The following DMD variants were observed in gnomAD, a reference collection of about 807,000 sequenced individuals.
DMD encodes dystrophin.
A neutral mutation model predicts 330.1 loss-of-function variants in DMD; 63 were observed. The observed-to-expected ratio is 0.19, with a 90% CI of 0.16 to 0.24. The LOEUF (loss-of-function observed/expected upper bound fraction) is 0.24, where lower values mean the gene tolerates loss of function less well. DMD is among the 10% of genes least tolerant of loss of function. DMD has a pLI of 1.00. For missense variants in DMD, 3,344 were observed against 2,684.1 expected (o/e 1.25, Z -5.43); for synonymous variants, 1,223 against 959.8 (o/e 1.27, Z -5.07).
At chrX:31,256,596 C>T (rs1452525605) in intron 63 of DMD, among the ~76,000 whole-genome samples, 1 of 111,626 alleles carries the variant, frequency 9.0e-6, no homozygotes, top group South Asian at 3.8e-4. Flanking sequence ...ATTTTCTCTA[C>T]CACTAAAATG....
chrX:33,188,713 T>C (rs1296739570), intron 1 of DMD, among the ~76,000 whole-genome samples: 1 of 112,143 alleles, frequency 8.9e-6, no homozygotes, highest in African/African-American at 3.2e-5. Flanking sequence ...CTTTCCCAAA[T>C]TCGTCTGTTG....
chrX:31,955,198 C>T (rs73467949), intron 45 of DMD, among the ~76,000 whole-genome samples: 1,365 of 110,864 alleles, frequency 0.012, 28 homozygotes, highest in African/African-American at 0.043. Context: ...TTCATAAAAG[C>T]ATATCAAATA....
At chrX:31,178,293 C>A in intron 70 of DMD, 1 of 993,690 alleles carries the variant, frequency 1.0e-6, no homozygotes, top group Non-Finnish European at 1.3e-6. Flanking sequence ...TATGACCACA[C>A]AATGAGATAC....
intron 7 of DMD, among the ~76,000 whole-genome samples, chrX:32,779,978 A>T (rs1056136830): frequency 5.4e-5 from 6 of 111,983 alleles, no homozygotes; most frequent in African/African-American, 1.9e-4. Context: ...GTCATTTTAT[A>T]TTTTAACTTG....
At chrX:31,663,829 A>G (rs1486593053) in intron 53 of DMD, among the ~76,000 whole-genome samples, 1 of 111,414 alleles carries the variant, frequency 9.0e-6, no homozygotes, top group Non-Finnish European at 1.9e-5. Flanking sequence ...TTCCTTTCAC[A>G]GTCACACTCT....
At chrX:32,843,269 ATGATATTT>A (rs997686712) in intron 4 of DMD, among the ~76,000 whole-genome samples, 3 of 112,531 alleles carry the variant, frequency 2.7e-5, no homozygotes, top group African/African-American at 9.7e-5. Context: ...GAAACAGAAT[ATGATATTT>A]TGATATTTCA....
intron 9 of DMD, among the ~76,000 whole-genome samples, chrX:32,684,173 C>T (rs2062674153): frequency 9.1e-6 from 1 of 109,535 alleles, no homozygotes; most frequent in Admixed American, 9.8e-5. Context: ...AGAACATACT[C>T]CCTATGTAAG....
At chrX:31,543,308 T>C (rs1314331152) in intron 55 of DMD, among the ~76,000 whole-genome samples, 1 of 111,188 alleles carries the variant, frequency 9.0e-6, no homozygotes, top group Non-Finnish European at 1.9e-5. Flanking sequence ...GTAGCTGGGA[T>C]TACAGGTGCC....
Position 31,336,540 on chromosome X carries a change from C to G in DMD, c.9163+12016G>C, listed in dbSNP as rs774769549. 2.7e-5 allele frequency among the ~76,000 whole-genome samples: 3 copies of G among 112,682 alleles called. No individual in the cohort carries two copies. The South Asian group carries it at 1.1e-3, about 42-fold the overall frequency. On this transcript the variant is annotated intron_variant, in intron 61 of 78. Coordinates refer to ENST00000357033, the MANE Select transcript of DMD (RefSeq NM_004006.3). ...TACACTTTTCAGAGCCAGCATTCCA[C>G]TAATTATCTGGCCCCAAATGCCAAT...
At chrX:31,232,081 T>TAAAAAA (rs776133263) in intron 63 of DMD, among the ~76,000 whole-genome samples, 1 of 33,286 alleles carries the variant, frequency 3.0e-5, no homozygotes, top group African/African-American at 1.0e-4. Flanking sequence ...CAGCACATGT[T>TAAAAAA]AAAAAAAAAA....
At chrX:31,158,843 G>A (rs1028066908) in intron 74 of DMD, among the ~76,000 whole-genome samples, 2 of 111,901 alleles carry the variant, frequency 1.8e-5, no homozygotes, top group Non-Finnish European at 3.8e-5. Context: ...AATTATCCGT[G>A]TGGACATTAA....
At chrX:32,518,222 T>C (rs2046056510) in intron 17 of DMD, 91 bp from the exon 18 acceptor site, 1 of 945,876 alleles carries the variant, frequency 1.1e-6, no homozygotes, top group Non-Finnish European at 1.5e-6. Flanking sequence ...ATCATTCTTT[T>C]CTCAATCTGA....
intron 27 of DMD, among the ~76,000 whole-genome samples, chrX:32,443,922 G>A (rs1240770135): frequency 1.8e-5 from 2 of 111,257 alleles, no homozygotes; most frequent in African/African-American, 6.5e-5. Flanking sequence ...CAAAATACAT[G>A]TTAAAATACA....
chrX:32,520,567 C>T (rs1320125580), intron 17 of DMD, among the ~76,000 whole-genome samples: 2 of 111,573 alleles, frequency 1.8e-5, no homozygotes, highest in African/African-American at 6.5e-5. Flanking sequence ...CTCCCTTGCC[C>T]CTCAGTTGGA....
intron 6 of DMD, among the ~76,000 whole-genome samples, chrX:32,815,348 G>A (rs1207316838): frequency 9.3e-6 from 1 of 107,029 alleles, no homozygotes; most frequent in East Asian, 2.9e-4. Context: ...AACTTGCACT[G>A]AAAATTAGGC....
At chrX:32,855,026 T>A (rs1238490512) in intron 2 of DMD, among the ~76,000 whole-genome samples, 1 of 111,852 alleles carries the variant, frequency 8.9e-6, no homozygotes, top group Non-Finnish European at 1.9e-5. Flanking sequence ...TGGGTCACCA[T>A]ATGCAAAAAA....
intron 52 of DMD, among the ~76,000 whole-genome samples, chrX:31,725,249 A>G (rs1395381733): frequency 9.0e-6 from 1 of 111,276 alleles, no homozygotes. Context: ...TCTACCTATT[A>G]AATTTATAGA....
intron 2 of DMD, among the ~76,000 whole-genome samples, chrX:32,889,745 C>T: frequency 9.0e-6 from 1 of 111,071 alleles, no homozygotes; most frequent in Middle Eastern, 4.6e-3. Flanking sequence ...CCGCCTATCC[C>T]AAAACCTGTA....
rs935812915 is a variant in DMD, at chrX:33,166,982, C to T, written c.31+44300G>A. On this transcript the variant is annotated intron_variant, in intron 1 of 78. Transcript: ENST00000357033. ...GATATGTATCACTGATTTGCTTATC[C>T]ATTCCACAAATTAAGTACCTACTAT... 4.5e-5 allele frequency among the ~76,000 whole-genome samples: 5 copies of T among 110,991 alleles called. No individual in the cohort carries two copies. The East Asian group carries it at 1.4e-3, about 31-fold the overall frequency.
Sources: allele counts gnomAD v4.1 joint callset (sites outside exome capture counted in the v4.1 genomes callset), GRCh38; gene constraint gnomAD v4.1.1; transcripts MANE v1.5; gene names NCBI Gene and HGNC (gene_info 2026-07-23, HGNC 2026-07-21).